Variants in KIAA1217 observed in about 807,000 individuals in gnomAD.
The protein encoded by KIAA1217 is KIAA1217.
Under a neutral mutation model 163.9 loss-of-function variants are expected in KIAA1217, and 88 were observed. The ratio of observed to expected loss-of-function variants is 0.54; its 90% CI spans 0.45 to 0.64. The LOEUF (loss-of-function observed/expected upper bound fraction) is 0.64, where lower values mean the gene tolerates loss of function less well. Among genes scored for constraint, KIAA1217 ranks in the 30% least tolerant of loss-of-function variants. KIAA1217 has a pLI of 0.00. For missense variants in KIAA1217, 2,372 were observed against 2,475.0 expected, an observed-to-expected ratio of 0.96 and a Z score of 0.88; for synonymous variants, 903 against 923.1, an observed-to-expected ratio of 0.98 and a Z score of 0.39.
At chr10:24,198,470 G>A (rs558235488) in intron 2 of KIAA1217, among the ~76,000 whole-genome samples, 43 of 152,058 alleles carry the variant, frequency 2.8e-4, no homozygotes, top group Middle Eastern at 3.4e-3. Context: ...TTAGCCAGGC[G>A]TGGTGGTGCA....
chr10:24,161,445 C>G (rs2065116600), intron 2 of KIAA1217, among the ~76,000 whole-genome samples: 1 of 152,180 alleles, frequency 6.6e-6, no homozygotes, highest in Admixed American at 6.5e-5. Flanking sequence ...TCACCTCTGA[C>G]TTTGTGAACG....
chr10:24,189,092 C>T (rs1386376177), intron 2 of KIAA1217, among the ~76,000 whole-genome samples: 2 of 137,398 alleles, frequency 1.5e-5, no homozygotes, highest in East Asian at 2.0e-4. Flanking sequence ...GGTGACAGAG[C>T]GAGACTCTGT....
intron 2 of KIAA1217, among the ~76,000 whole-genome samples, chr10:24,026,688 G>A (rs1847952277): frequency 7.0e-6 from 1 of 142,464 alleles, no homozygotes; most frequent in Non-Finnish European, 1.5e-5. Context: ...CCTGGAACTA[G>A]ATTTTGGTTA....
intron 2 of KIAA1217, among the ~76,000 whole-genome samples, chr10:24,183,078 G>A (rs1335061667): frequency 2.0e-5 from 3 of 152,280 alleles, no homozygotes; most frequent in African/African-American, 7.2e-5. Context: ...CCACAAGAGC[G>A]GGTTGCTATA....
intron 2 of KIAA1217, among the ~76,000 whole-genome samples, chr10:24,051,745 T>C (rs914548495): frequency 1.6e-4 from 24 of 152,316 alleles, no homozygotes; most frequent in African/African-American, 5.5e-4. Flanking sequence ...GTTATTTGTA[T>C]ATCTTCTTTT....
Position 24,148,698 on chromosome 10 carries a change from A to T in KIAA1217, c.-170-70928A>T, listed in dbSNP as rs2064458397. On this transcript the variant is annotated intron_variant, in intron 2 of 18. Transcript: ENST00000376462. ...TGAGGCCTCATCAGAAGCCTCACAGATGCTGGTGCCATGCTTGTACAGCTT... is the reference window on the plus strand; with the variant it reads ...TGAGGCCTCATCAGAAGCCTCACAGTTGCTGGTGCCATGCTTGTACAGCTT... Among the ~76,000 whole-genome samples the T allele has an allele frequency of 2.0e-5, 3 of 152,160 alleles. No homozygotes were observed. The South Asian group carries it at 6.2e-4, about 31-fold the overall frequency.
chr10:24,155,016 T>TTCCA (rs1291324519), intron 2 of KIAA1217, among the ~76,000 whole-genome samples: 1 of 151,324 alleles, frequency 6.6e-6, no homozygotes, highest in Non-Finnish European at 1.5e-5. Context: ...GCATACAGAG[T>TTCCA]TCCAGTGTTG....
chr10:24,047,310 A>G (rs1292601478), intron 2 of KIAA1217, among the ~76,000 whole-genome samples: 1 of 152,182 alleles, frequency 6.6e-6, no homozygotes, highest in African/African-American at 2.4e-5. Context: ...CTGCAGGCCA[A>G]AAATCACTCA....
chr10:24,118,585 A>G (rs2063154619), intron 2 of KIAA1217, among the ~76,000 whole-genome samples: 2 of 152,338 alleles, frequency 1.3e-5, no homozygotes, highest in South Asian at 4.1e-4. Context: ...GTGAAGAGAA[A>G]TGTCACAAGG....
At chr10:24,202,676 C>T (rs1019566086) in intron 2 of KIAA1217, among the ~76,000 whole-genome samples, 2 of 152,150 alleles carry the variant, frequency 1.3e-5, no homozygotes, top group African/African-American at 4.8e-5. Flanking sequence ...CCATCTTTGG[C>T]CTCATCCTCC....
chr10:24,086,920 A>C (rs1246581811), intron 2 of KIAA1217, among the ~76,000 whole-genome samples: 1 of 152,162 alleles, frequency 6.6e-6, no homozygotes, highest in African/African-American at 2.4e-5. Context: ...CATTTGATTA[A>C]GTAACATTTA....
At chr10:24,158,624 C>T (rs1402953392) in intron 2 of KIAA1217, 1 of 509,700 alleles carries the variant, frequency 2.0e-6, no homozygotes, top group African/African-American at 2.0e-5. Flanking sequence ...GCCTTTACAC[C>T]ACCAATCAAA....
intron 3 of KIAA1217, among the ~76,000 whole-genome samples, chr10:24,432,317 C>T (rs1288996612): frequency 1.3e-5 from 2 of 151,044 alleles, no homozygotes; most frequent in East Asian, 2.0e-4. Context: ...GGGGTTTCAC[C>T]ATGTTGGCCA....
At chr10:24,297,899 A>G (rs1189165268) in intron 2 of KIAA1217, among the ~76,000 whole-genome samples, 2 of 151,920 alleles carry the variant, frequency 1.3e-5, no homozygotes, top group Non-Finnish European at 2.9e-5. Context: ...TGAAAGGTAC[A>G]TGAAATAGGA....
At chr10:23,818,783 C>T (rs1042421482) in intron 1 of KIAA1217, among the ~76,000 whole-genome samples, 4 of 152,204 alleles carry the variant, frequency 2.6e-5, no homozygotes, top group Non-Finnish European at 5.9e-5. Context: ...GGGTCAGCCA[C>T]ACTCTTGAAG....
chr10:23,856,678 C>T (rs1175191390), intron 1 of KIAA1217, among the ~76,000 whole-genome samples: 2 of 152,262 alleles, frequency 1.3e-5, no homozygotes, highest in African/African-American at 2.4e-5. Flanking sequence ...TCGAGCTTCC[C>T]CACTGCTTTG....
intron 2 of KIAA1217, among the ~76,000 whole-genome samples, chr10:24,116,628 C>G (rs1226140769): frequency 6.6e-6 from 1 of 152,100 alleles, no homozygotes; most frequent in African/African-American, 2.4e-5. Flanking sequence ...GTAGAACAGC[C>G]TTCTAGATGA....
intron 1 of KIAA1217, among the ~76,000 whole-genome samples, chr10:23,970,863 C>G (rs1396683218): frequency 6.6e-6 from 1 of 152,200 alleles, no homozygotes; most frequent in Admixed American, 6.5e-5. Flanking sequence ...CTGCAGCAAC[C>G]TCAGTTCTTG....
intron 1 of KIAA1217, among the ~76,000 whole-genome samples, chr10:23,873,698 C>CTG (rs1472614229): frequency 2.0e-5 from 3 of 151,954 alleles, no homozygotes; most frequent in African/African-American, 7.2e-5. Context: ...TTCTCTCTCT[C>CTG]TCTCTCTCTC....
Sources: gnomAD v4.1 joint callset for allele counts (sites outside exome capture counted in the v4.1 genomes callset) on GRCh38, gnomAD v4.1.1 for gene constraint, MANE v1.5 for transcripts, NCBI Gene and HGNC (gene_info 2026-07-23, HGNC 2026-07-21) for gene names.